GABRB1: variants seen among roughly 807,000 people sequenced by gnomAD.
GABRB1 encodes the protein gamma-aminobutyric acid type A receptor subunit beta1.
GABRB1 carries 17 observed loss-of-function variants against 51.6 expected under a neutral mutation model. The ratio of observed to expected loss-of-function variants is 0.33; its 90% CI spans 0.23 to 0.49. The LOEUF (loss-of-function observed/expected upper bound fraction) is 0.49, where lower values mean the gene tolerates loss of function less well. Among genes scored for constraint, GABRB1 ranks in the 20% least tolerant of loss-of-function variants. GABRB1 has a pLI of 0.99. For missense variants in GABRB1, 410 were observed against 600.6 expected, an observed-to-expected ratio of 0.68 and a Z score of 3.32; for synonymous variants, 247 against 218.9, an observed-to-expected ratio of 1.13 and a Z score of -1.14.
At chr4:47,142,192 C>T (rs1716967794) in intron 3 of GABRB1, among the ~76,000 whole-genome samples, 1 of 151,770 alleles carries the variant, frequency 6.6e-6, no homozygotes, top group South Asian at 2.1e-4. Context: ...AAAGGACATC[C>T]AAATTCATAT....
At chr4:47,150,182 AAC>A (rs36209473) in intron 3 of GABRB1, among the ~76,000 whole-genome samples, 20,255 of 141,294 alleles carry the variant, frequency 0.14, 1,527 homozygotes, top group East Asian at 0.31. Flanking sequence ...ACACACACAC[AAC>A]ACACACACAC....
intron 5 of GABRB1, among the ~76,000 whole-genome samples, chr4:47,354,411 C>T (rs760047038): frequency 5.9e-5 from 9 of 152,110 alleles, no homozygotes; most frequent in Non-Finnish European, 1.0e-4. Flanking sequence ...TATTCACAAA[C>T]TCTTTCTTCT....
rs996037310 is a variant in GABRB1 at position 47,179,421 on chromosome 4, C to A, written c.461+17952C>A. Among the ~76,000 whole-genome samples, 5 of 152,084 alleles carry A rather than the reference C, an allele frequency of 3.3e-5. 1 individual carries two copies. Among genetic ancestry groups the A allele is most frequent in the Admixed American group, 2.6e-4 (4 of 15,252 alleles). ...AGAAATAACCATTTGAACCAGCAATCCCATTACTGGTTATATACCCAAAGG... is the reference window on the plus strand; with the variant it reads ...AGAAATAACCATTTGAACCAGCAATACCATTACTGGTTATATACCCAAAGG... On this transcript the variant is annotated intron_variant, in intron 4 of 8. Coordinates refer to ENST00000295454, the MANE Select transcript of GABRB1 (RefSeq NM_000812.4).
intron 3 of GABRB1, chr4:47,032,958 T>G: frequency 2.9e-6 from 1 of 349,224 alleles, no homozygotes; most frequent in East Asian, 7.6e-5. Flanking sequence ...GAGCACAGTC[T>G]GGGTTTCAAA....
chr4:47,414,537 G>C (rs1578156112), intron 8 of GABRB1, among the ~76,000 whole-genome samples: 1 of 152,216 alleles, frequency 6.6e-6, no homozygotes, highest in East Asian at 1.9e-4. Flanking sequence ...TGGGAGGCAG[G>C]TGTACCCTAA....
At chr4:47,258,404 T>A (rs1274627578) in intron 4 of GABRB1, among the ~76,000 whole-genome samples, 3 of 152,160 alleles carry the variant, frequency 2.0e-5, no homozygotes, top group Non-Finnish European at 4.4e-5. Context: ...TCCTACCATT[T>A]AACATTTAAA....
chr4:47,161,362 A>G lies in GABRB1; in HGVS notation c.354A>G (p.Val118=), dbSNP rs1717949925. 3 of 1,612,846 alleles carry G rather than the reference A, an allele frequency of 1.9e-6. No individual in the cohort carries two copies. Among genetic ancestry groups the G allele is most frequent in the Non-Finnish European group, 1.7e-6 (2 of 1,179,220 alleles). The change falls in exon 4 of 9, where the codon GTA becomes GTG. Residue 118 remains valine (V), a synonymous_variant. Coordinates refer to ENST00000295454, the MANE Select transcript of GABRB1 (RefSeq NM_000812.4). Reference sequence around the variant, plus strand: ...ATAGGGTAGCTGACCAACTCTGGGTACCAGACACCTACTTTCTGAATGACA... The same window carrying G: ...ATAGGGTAGCTGACCAACTCTGGGTGCCAGACACCTACTTTCTGAATGACA... ...LDNRVADQLW[V]PDTYFLNDKK...
chr4:47,036,528 T>C (rs572322059), intron 3 of GABRB1, among the ~76,000 whole-genome samples: 80 of 152,314 alleles, frequency 5.3e-4, no homozygotes, highest in Middle Eastern at 3.4e-3. Context: ...TAGATTGCAC[T>C]TTGAATATCA....
chr4:47,283,854 C>CTGTTGTACCATA (rs2109911589), intron 4 of GABRB1, among the ~76,000 whole-genome samples: 1 of 152,230 alleles, frequency 6.6e-6, no homozygotes, highest in South Asian at 2.1e-4. Flanking sequence ...CTCTCTTAGA[C>CTGTTGTACCATA]TGTTGTACCA....
intron 3 of GABRB1, among the ~76,000 whole-genome samples, chr4:47,148,772 A>C (rs988855406): frequency 6.6e-6 from 1 of 151,702 alleles, no homozygotes; most frequent in Non-Finnish European, 1.5e-5. Context: ...ATGGCAGCAG[A>C]GTTCATCAGC....
intron 4 of GABRB1, among the ~76,000 whole-genome samples, chr4:47,185,240 T>C (rs1224198593): frequency 6.6e-6 from 1 of 151,868 alleles, no homozygotes; most frequent in Non-Finnish European, 1.5e-5. Context: ...AATCCTTCAA[T>C]GTTGCTGCTG....
intron 4 of GABRB1, among the ~76,000 whole-genome samples, chr4:47,216,877 G>A (rs1381274048): frequency 6.6e-6 from 1 of 151,826 alleles, no homozygotes; most frequent in Non-Finnish European, 1.5e-5. Context: ...TCACACATGT[G>A]TTTGAAAAGA....
chr4:47,392,311 A>C (rs1297306955), intron 5 of GABRB1, among the ~76,000 whole-genome samples: 1 of 151,214 alleles, frequency 6.6e-6, no homozygotes, highest in Non-Finnish European at 1.5e-5. Flanking sequence ...AAGAGCCAGG[A>C]ACAGGAAGCT....
At chr4:47,275,565 A>T (rs907469807) in intron 4 of GABRB1, among the ~76,000 whole-genome samples, 1 of 152,166 alleles carries the variant, frequency 6.6e-6, no homozygotes, top group Admixed American at 6.5e-5. Flanking sequence ...CAAAGAGTAT[A>T]TCTTATCTTC....
chr4:47,183,676 C>G (rs1309790676), intron 4 of GABRB1, among the ~76,000 whole-genome samples: 1 of 151,724 alleles, frequency 6.6e-6, no homozygotes, highest in Admixed American at 6.6e-5. Context: ...TCCCCTCTTT[C>G]TACATCTGTC....
At chr4:47,402,637 T>C (rs936830351) in intron 5 of GABRB1, among the ~76,000 whole-genome samples, 4 of 152,070 alleles carry the variant, frequency 2.6e-5, no homozygotes, top group Admixed American at 1.3e-4. Context: ...CAAGCCCTTC[T>C]ATTACAATCT....
chr4:47,052,215 TGAGTTCCCC>T (rs1303165485), intron 3 of GABRB1, among the ~76,000 whole-genome samples: 1 of 152,134 alleles, frequency 6.6e-6, no homozygotes, highest in Non-Finnish European at 1.5e-5. Flanking sequence ...TGAAGAAACT[TGAGTTCCCC>T]TTTTTACACT....
At chr4:47,394,317 A>G (rs1728107537) in intron 5 of GABRB1, among the ~76,000 whole-genome samples, 1 of 152,252 alleles carries the variant, frequency 6.6e-6, no homozygotes, top group Non-Finnish European at 1.5e-5. Context: ...GCTTTGATCT[A>G]TAAATAGTAT....
Position 47,298,409 on chromosome 4 carries a change from T to A in GABRB1, c.462-21718T>A, listed in dbSNP as rs561879662. ...GCAAAGTCTCAGGATACAAAATCAA[T>A]GTGCAAAAATCACAAGCATTCTTAT... On this transcript the variant is annotated intron_variant, in intron 4 of 8. Transcript: ENST00000295454. Among the ~76,000 whole-genome samples, 86 of 152,316 alleles carry A rather than the reference T, an allele frequency of 5.6e-4. 1 individual carries two copies. The East Asian group carries it at 0.013, about 23-fold the overall frequency.
Sources: allele counts gnomAD v4.1 joint callset (sites outside exome capture counted in the v4.1 genomes callset), GRCh38; gene constraint gnomAD v4.1.1; transcripts MANE v1.5; gene names NCBI Gene and HGNC (gene_info 2026-07-23, HGNC 2026-07-21).